The following CNTN4 variants were observed in gnomAD, a reference collection of about 807,000 sequenced individuals.
CNTN4 encodes the protein contactin-4.
In CNTN4, 77 loss-of-function variants were observed where a neutral mutation model predicts 122.5. That is an observed-to-expected ratio of 0.63 (90% CI 0.52 to 0.76). The LOEUF is 0.76. Ranked by LOEUF, CNTN4 falls within the 30% of genes least tolerant of loss-of-function variation. The pLI is 0.00. For missense variants in CNTN4, 1,256 were observed against 1,259.1 expected, an observed-to-expected ratio of 1.00 and a Z score of 0.04; for synonymous variants, 512 against 447.0, an observed-to-expected ratio of 1.15 and a Z score of -1.83.
At chr3:2,281,424 C>T (rs2041709720) in intron 2 of CNTN4, among the ~76,000 whole-genome samples, 1 of 152,022 alleles carries the variant, frequency 6.6e-6, no homozygotes, top group South Asian at 2.1e-4. Flanking sequence ...AAGCCCAAAG[C>T]ATCTTCTGGA....
chr3:2,819,071 C>G (rs368192817), intron 6 of CNTN4, among the ~76,000 whole-genome samples: 1 of 152,102 alleles, frequency 6.6e-6, no homozygotes, highest in Non-Finnish European at 1.5e-5. Flanking sequence ...CACTTAACAT[C>G]TTTAAACCTC....
intron 2 of CNTN4, among the ~76,000 whole-genome samples, chr3:2,222,747 A>G (rs895336200): frequency 3.9e-5 from 6 of 152,122 alleles, no homozygotes; most frequent in Admixed American, 2.6e-4. Flanking sequence ...TAAATAAGCT[A>G]TCGTTGGCCT....
At chr3:2,413,870 A>AT (rs1259682990) in intron 3 of CNTN4, among the ~76,000 whole-genome samples, 3 of 152,074 alleles carry the variant, frequency 2.0e-5, no homozygotes, top group Non-Finnish European at 4.4e-5. Context: ...AATTTAAATT[A>AT]TTTTTCTGAC....
chr3:2,742,223 CTCT>C (rs2089496603), intron 5 of CNTN4, among the ~76,000 whole-genome samples: 2 of 152,150 alleles, frequency 1.3e-5, no homozygotes, highest in Admixed American at 1.3e-4. Context: ...CAACTGACCT[CTCT>C]TCTTTGTGTT....
At chr3:2,311,904 T>A (rs1377506900) in intron 2 of CNTN4, among the ~76,000 whole-genome samples, 1 of 152,134 alleles carries the variant, frequency 6.6e-6, no homozygotes, top group Non-Finnish European at 1.5e-5. Context: ...AACCCTTAGA[T>A]ATTTTCCTGA....
intron 13 of CNTN4, among the ~76,000 whole-genome samples, chr3:2,939,141 T>C (rs1053335309): frequency 3.9e-5 from 6 of 152,238 alleles, no homozygotes; most frequent in African/African-American, 1.4e-4. Flanking sequence ...TTTCTCCTCA[T>C]ATTTCAGTCA....
At chr3:2,821,792 A>T (rs2092881232) in intron 7 of CNTN4, among the ~76,000 whole-genome samples, 1 of 152,200 alleles carries the variant, frequency 6.6e-6, no homozygotes, top group African/African-American at 2.4e-5. Context: ...TACCCTTGGA[A>T]ATCCAGGCTG....
intron 13 of CNTN4, among the ~76,000 whole-genome samples, chr3:2,978,186 CTACTA>C (rs1430412105): frequency 2.0e-5 from 3 of 152,138 alleles, no homozygotes; most frequent in Non-Finnish European, 4.4e-5. Flanking sequence ...CCATAGGAAA[CTACTA>C]CCACACCACA....
chr3:2,546,462 A>G (rs2078249598), intron 3 of CNTN4, among the ~76,000 whole-genome samples: 1 of 152,124 alleles, frequency 6.6e-6, no homozygotes, highest in Non-Finnish European at 1.5e-5. Context: ...ACATGGACAC[A>G]AAGAGGGGAA....
rs138108195 is a variant in CNTN4, at chr3:2,759,219, G to A, written c.358+13522G>A. 1.8e-3 allele frequency among the ~76,000 whole-genome samples: 273 copies of A among 152,002 alleles called. 3 individuals carry two copies. Among genetic ancestry groups the A allele is most frequent in the African/African-American group, 6.2e-3 (257 of 41,468 alleles). On this transcript the variant is annotated intron_variant, in intron 6 of 24. Coordinates refer to ENST00000418658, the MANE Select transcript of CNTN4 (RefSeq NM_175607.3). ...TGCCCAGGCTGGATTGCAATGGTGC[G>A]ATCTCAGCTCACTGCAACCTCTGCC...
chr3:2,932,948 G>A (rs1213214988), intron 13 of CNTN4, among the ~76,000 whole-genome samples: 3 of 151,904 alleles, frequency 2.0e-5, no homozygotes, highest in South Asian at 2.1e-4. Context: ...TCAGCCTCCC[G>A]AGTAGCTGGG....
chr3:2,787,719 G>A (rs2091882053), intron 6 of CNTN4, among the ~76,000 whole-genome samples: 1 of 151,556 alleles, frequency 6.6e-6, no homozygotes, highest in Admixed American at 6.6e-5. Flanking sequence ...CGCATACTTT[G>A]TTGGTTCATT....
intron 4 of CNTN4, among the ~76,000 whole-genome samples, chr3:2,574,885 T>C (rs1304099897): frequency 6.6e-6 from 1 of 152,084 alleles, no homozygotes; most frequent in Non-Finnish European, 1.5e-5. Flanking sequence ...AGGATTTCCA[T>C]AATGTTAATG....
chr3:2,828,131 G>A (rs895002679), intron 7 of CNTN4, among the ~76,000 whole-genome samples: 1 of 151,710 alleles, frequency 6.6e-6, no homozygotes, highest in African/African-American at 2.4e-5. Flanking sequence ...GTTTGTGTAT[G>A]TGTGTGTGTG....
intron 2 of CNTN4, among the ~76,000 whole-genome samples, chr3:2,104,737 G>A (rs1372673189): frequency 6.6e-6 from 1 of 152,150 alleles, no homozygotes; most frequent in Non-Finnish European, 1.5e-5. Flanking sequence ...AGTGCCTGGG[G>A]GAGAAGGGTG....
At chr3:2,903,064 T>TTTGACAAAGA in intron 12 of CNTN4, 59 bp downstream of exon 12, 2 of 1,545,360 alleles carry the variant, frequency 1.3e-6, no homozygotes, top group Admixed American at 3.4e-5. Flanking sequence ...CTAAACTAAC[T>TTTGACAAAGA]TGTTCTTTGC....
At chr3:2,622,392 A>G (rs1258235833) in intron 4 of CNTN4, among the ~76,000 whole-genome samples, 3 of 152,208 alleles carry the variant, frequency 2.0e-5, no homozygotes, top group Non-Finnish European at 4.4e-5. Context: ...CCCGGGTTCC[A>G]GTGATTCTCG....
chr3:2,652,919 A>G (rs1194892065), intron 4 of CNTN4, among the ~76,000 whole-genome samples: 2 of 152,080 alleles, frequency 1.3e-5, no homozygotes, highest in African/African-American at 4.8e-5. Context: ...AGTGCTTGTA[A>G]ATCCTTGTCC....
intron 7 of CNTN4, among the ~76,000 whole-genome samples, chr3:2,840,549 A>AC (rs1288930835): frequency 3.2e-5 from 1 of 31,134 alleles, no homozygotes; most frequent in African/African-American, 4.8e-5. Flanking sequence ...AAATACAAAA[A>AC]TTAGCCGGGC....
Sources: allele counts gnomAD v4.1 joint callset (sites outside exome capture counted in the v4.1 genomes callset), GRCh38; gene constraint gnomAD v4.1.1; transcripts MANE v1.5; gene names NCBI Gene and HGNC (gene_info 2026-07-23, HGNC 2026-07-21).